DNAH8: variants seen among roughly 807,000 people sequenced by gnomAD.
DNAH8 encodes dynein axonemal heavy chain 8, also known as axonemal beta dynein heavy chain 8.
Under a neutral mutation model 562.1 loss-of-function variants are expected in DNAH8, and 382 were observed. That is an observed-to-expected ratio of 0.68 (90% CI 0.63 to 0.74). The LOEUF is 0.74. Among genes scored for constraint, DNAH8 ranks in the 30% least tolerant of loss-of-function variants. The pLI, the probability that DNAH8 is intolerant of heterozygous loss-of-function variation, is 0.00. For synonymous variants in DNAH8, 1,881 were observed against 1,919.4 expected (o/e 0.98, Z 0.52); for missense variants, 5,203 against 5,620.4 (o/e 0.93, Z 2.37).
chr6:38,975,868 C>T (rs542883630), intron 85 of DNAH8, among the ~76,000 whole-genome samples: 1 of 152,316 alleles, frequency 6.6e-6, no homozygotes, highest in African/African-American at 2.4e-5. Context: ...AACTCTTCCA[C>T]TGTGCTTATC....
At chr6:38,823,810 AATAT>A in intron 28 of DNAH8, 122 bp downstream of exon 28, 2 of 496,580 alleles carry the variant, frequency 4.0e-6, no homozygotes, top group South Asian at 8.7e-5. Context: ...TAATAATAAT[AATAT>A]ACCAAGGTTA....
At chr6:38,876,138 A>G (rs1777975971) in intron 53 of DNAH8, among the ~76,000 whole-genome samples, 3 of 152,136 alleles carry the variant, frequency 2.0e-5, no homozygotes, top group African/African-American at 7.2e-5. Context: ...AGCGTGGAGA[A>G]CACAGATTCT....
At chr6:38,999,848 A>ATAAT (rs1296534472) in intron 88 of DNAH8, among the ~76,000 whole-genome samples, 1 of 151,570 alleles carries the variant, frequency 6.6e-6, no homozygotes, top group Non-Finnish European at 1.5e-5. Flanking sequence ...TAATAGATAT[A>ATAAT]TAATAATTAG....
At position 38,879,439 on chromosome 6, in the gene DNAH8, C is replaced by T. The variant is rs561558906; in HGVS notation, c.7859-3471C>T. 2.6e-5 allele frequency among the ~76,000 whole-genome samples: 4 copies of T among 152,264 alleles called. No individual in the cohort carries two copies. In the East Asian group the frequency reaches 7.7e-4, roughly 29 times the overall value. ...GAAATGGAAGATCAACATTCAAAAACTGATCAATATAATCTGCCATATAAG... is the reference window on the plus strand; with the variant it reads ...GAAATGGAAGATCAACATTCAAAAATTGATCAATATAATCTGCCATATAAG... On this transcript the variant is annotated intron_variant, in intron 53 of 92. Coordinates refer to ENST00000327475, the MANE Select transcript of DNAH8 (RefSeq NM_001206927.2).
chr6:38,732,147 C>T (rs1360798791), intron 4 of DNAH8, among the ~76,000 whole-genome samples: 1 of 152,176 alleles, frequency 6.6e-6, no homozygotes, highest in East Asian at 1.9e-4. Flanking sequence ...TTTTCTGTGT[C>T]ATTACGTAAA....
chr6:38,894,802 C>T lies in DNAH8; in HGVS notation c.8685C>T (p.Cys2895=), dbSNP rs779311596. ...TGTTGACCATAAAAGCTGAGGAGTG[C>T]GCTTCAATCCCTACTCTCCTGTCCC... ...QGMLTIKAEE[C]ASIPTLLSLF... Residue 2895 remains cysteine (C), a synonymous_variant, in exon 59 of 93, where the codon TGC becomes TGT. Transcript: ENST00000327475. The T allele has an allele frequency of 1.4e-5, 23 of 1,614,028 alleles. No homozygotes were observed. Among genetic ancestry groups the T allele is most frequent in the Middle Eastern group, 1.6e-4 (1 of 6,062 alleles).
intron 40 of DNAH8, 130 bp from the exon 41 acceptor site, chr6:38,853,056 A>T: frequency 1.3e-6 from 1 of 748,226 alleles, no homozygotes; most frequent in Non-Finnish European, 2.1e-6. Context: ...ACCCATATTT[A>T]AAATATTTTG....
intron 37 of DNAH8, among the ~76,000 whole-genome samples, chr6:38,849,918 A>C (rs990526364): frequency 1.3e-5 from 2 of 152,154 alleles, no homozygotes; most frequent in Non-Finnish European, 2.9e-5. Flanking sequence ...CCTCAAACCA[A>C]AACACCTGGG....
At chr6:38,898,814 A>T (rs919722823) in intron 61 of DNAH8, among the ~76,000 whole-genome samples, 10 of 152,148 alleles carry the variant, frequency 6.6e-5, no homozygotes, top group Admixed American at 2.0e-4. Flanking sequence ...GGTAAGGTTG[A>T]TATATAGGAC....
chr6:38,929,692 AGAAAGAAAG>A, intron 75 of DNAH8, 26 bp downstream of exon 75: 1 of 1,420,196 alleles, frequency 7.0e-7, no homozygotes, highest in East Asian at 2.5e-5. Flanking sequence ...AAAAAAAAAA[AGAAAGAAAG>A]AAAGAAAAGA....
At chr6:38,770,388 C>A in intron 11 of DNAH8, 25 bp from the exon 12 acceptor site, 1 of 1,478,056 alleles carries the variant, frequency 6.8e-7, no homozygotes, top group Non-Finnish European at 9.1e-7. Flanking sequence ...CTTTCTTTTC[C>A]CTATTTCTTT....
At chr6:38,765,300 T>C (rs574967616) in intron 11 of DNAH8, among the ~76,000 whole-genome samples, 76 of 152,348 alleles carry the variant, frequency 5.0e-4, no homozygotes, top group African/African-American at 1.6e-3. Flanking sequence ...GTGCAAAAGC[T>C]TTATAGTTTG....
chr6:38,914,598 C>G (rs1301705472), intron 67 of DNAH8, among the ~76,000 whole-genome samples: 1 of 151,916 alleles, frequency 6.6e-6, no homozygotes, highest in Non-Finnish European at 1.5e-5. Context: ...GATCCGCCTG[C>G]CTCGGCCTCC....
At chr6:38,989,308 C>G (rs986539792) in intron 87 of DNAH8, among the ~76,000 whole-genome samples, 1 of 151,482 alleles carries the variant, frequency 6.6e-6, no homozygotes, top group Non-Finnish European at 1.5e-5. Flanking sequence ...TCAAATCTGG[C>G]TCATAGGCAT....
intron 52 of DNAH8, among the ~76,000 whole-genome samples, chr6:38,874,428 C>T (rs1277993823): frequency 6.7e-6 from 1 of 150,372 alleles, no homozygotes; most frequent in Non-Finnish European, 1.5e-5. Flanking sequence ...TGTAGTGGTG[C>T]AATCAATCAT....
chr6:38,870,198 C>T lies in DNAH8; in HGVS notation c.6829-203C>T, dbSNP rs185431459. Reference sequence around the variant, plus strand: ...CGACACGTGGGAGTTATGGGAGCTACGATTCCAGATGAGATTTGGGTAGGG... The same window carrying T: ...CGACACGTGGGAGTTATGGGAGCTATGATTCCAGATGAGATTTGGGTAGGG... On this transcript the variant is annotated intron_variant, in intron 48 of 92. Transcript: ENST00000327475. Among the ~76,000 whole-genome samples, 186 of 152,230 alleles carry T rather than the reference C, an allele frequency of 1.2e-3. 1 individual carries two copies. The highest frequency in any genetic ancestry group is 4.7e-3 in the Admixed American group (72 of 15,292).
chr6:38,974,718 A>G (rs1461589499), intron 85 of DNAH8, among the ~76,000 whole-genome samples, 189 bp downstream of exon 85: 1 of 151,932 alleles, frequency 6.6e-6, no homozygotes, highest in Non-Finnish European at 1.5e-5. Flanking sequence ...CCCTGCCCCA[A>G]CCCCCAACCC....
At position 38,827,237 on chromosome 6, in the gene DNAH8, G is replaced by A. The variant is rs867610681; in HGVS notation, c.4083+846G>A. On this transcript the variant is annotated intron_variant, in intron 29 of 92. Transcript: ENST00000327475. ...CATCAGGCCCGCCTGTTAATCCAGG[G>A]TAATCTCCCCATGGCAAGCTCCTTA... Among the ~76,000 whole-genome samples, 31 of 152,148 alleles carry A rather than the reference G, an allele frequency of 2.0e-4. 1 individual carries two copies. The highest frequency in any genetic ancestry group is 7.0e-4 in the African/African-American group (29 of 41,412).
At chr6:38,805,414 G>A (rs1771176812) in intron 22 of DNAH8, 67 bp from the exon 23 acceptor site, 2 of 936,404 alleles carry the variant, frequency 2.1e-6, no homozygotes, top group Non-Finnish European at 3.4e-6. Context: ...AGAGGATTTG[G>A]CCATGTAGAA....
Sources: gnomAD v4.1 joint callset for allele counts (sites outside exome capture counted in the v4.1 genomes callset) on GRCh38, gnomAD v4.1.1 for gene constraint, MANE v1.5 for transcripts, NCBI Gene and HGNC (gene_info 2026-07-23, HGNC 2026-07-21) for gene names.